Variants in AR observed in about 807,000 individuals in gnomAD.
The protein encoded by AR is dihydrotestosterone receptor.
In AR, 8 loss-of-function variants were observed where a neutral mutation model predicts 53.9. That is an observed-to-expected ratio of 0.15 (90% confidence interval 0.09 to 0.27). The LOEUF (loss-of-function observed/expected upper bound fraction) is 0.27. Ranked by LOEUF, AR falls within the 10% of genes least tolerant of loss-of-function variation. The probability of loss-of-function intolerance (pLI) is 1.00; values close to 1 mark genes in which losing one functional copy is unlikely to be tolerated. For missense variants in AR, 639 were observed against 742.5 expected (o/e 0.86, Z 1.62); for synonymous variants, 359 against 316.4 (o/e 1.13, Z -1.43).
Position 67,724,342 on chromosome X carries a change from A to AAAAT in AR, c.*523_*526dup, listed in dbSNP as rs757699770. ...AAACCTTGCTAGTGTTTTTTCCTCA[A>AAAAT]AAATAAATAAATAAATAAATAAATA... On this transcript the variant is annotated 3_prime_UTR_variant, in exon 8 of 8. Coordinates refer to ENST00000374690, the MANE Select transcript of AR (RefSeq NM_000044.6). The AAAAT allele has an allele frequency of 5.6e-4, 100 of 178,149 alleles. 1 individual carries two copies. Among genetic ancestry groups the AAAAT allele is most frequent in the African/African-American group, 2.1e-3 (70 of 33,691 alleles). The allele number at this position is 178,149 out of a possible 1,213,427, so 14.7% of individuals were successfully genotyped here. A position where few individuals can be genotyped will look rare whatever the true frequency, so the allele number is the denominator to read the frequency against.
At chrX:67,568,432 C>G (rs1303625980) in intron 1 of AR, among the ~76,000 whole-genome samples, 1 of 111,597 alleles carries the variant, frequency 9.0e-6, no homozygotes, top group African/African-American at 3.3e-5. Flanking sequence ...CTGGCACATT[C>G]AGATTGGAAA....
In AR at chrX:67,555,430, A is replaced by G. The variant is rs777889036; in HGVS notation, c.1616+8668A>G. On this transcript the variant is annotated intron_variant, in intron 1 of 7. Transcript: ENST00000374690. ...GTGCACCCCAGTCAAGTTAGTTGCC[A>G]ATTTCTTCTTCAGTTTCTTTGGCTA... Among the ~76,000 whole-genome samples the G allele has an allele frequency of 2.7e-5, 3 of 112,318 alleles. No individual in the cohort carries two copies. In the East Asian group the frequency reaches 8.4e-4, roughly 31 times the overall value.
chrX:67,677,262 C>T (rs2075905717), intron 2 of AR, among the ~76,000 whole-genome samples: 1 of 111,741 alleles, frequency 8.9e-6, no homozygotes, highest in Non-Finnish European at 1.9e-5. Flanking sequence ...CATGATCTTC[C>T]AGGACCTGGG....
In AR at chrX:67,728,146, T is replaced by TGCTG. The variant is rs1192910661; in HGVS notation, c.*4307_*4310dup. ...TGTCCAAAGACAGACTAAAGGACTC[T>TGCTG]GCTGGTGACTGACTTATAAGAGCTT... On this transcript the variant is annotated 3_prime_UTR_variant, in exon 8 of 8. Transcript: ENST00000374690. 2.4e-5 allele frequency: 4 copies of TGCTG among 163,424 alleles called. No homozygotes were observed. Among genetic ancestry groups the TGCTG allele is most frequent in the Non-Finnish European group, 4.6e-5 (4 of 87,570 alleles). 13.5% of individuals were successfully genotyped at this position (163,424 alleles called of 1,213,427 possible).
At chrX:67,717,247 T>C (rs2076117020) in intron 4 of AR, among the ~76,000 whole-genome samples, 1 of 111,908 alleles carries the variant, frequency 8.9e-6, no homozygotes, top group Admixed American at 9.5e-5. Flanking sequence ...CCTTTTTGTC[T>C]CCATCATCAT....
chrX:67,546,718 G>A lies in AR; in HGVS notation c.1572G>A (p.Met524Ile), dbSNP rs1452326001. The A allele has an allele frequency of 8.3e-7, 1 of 1,209,043 alleles. No homozygotes were observed. Among genetic ancestry groups the A allele is most frequent in the Admixed American group, 2.2e-5 (1 of 45,866 alleles). The change falls in exon 1 of 8, where the codon ATG becomes ATA. Residue 524 changes from methionine to isoleucine, a missense_variant. By Grantham distance (10) the Met-to-Ile change is conservative. Transcript: ENST00000374690. ...YPSPTCVKSE[M>I]GPWMDSYSGP... ...GTCCCACTTGTGTCAAAAGCGAAAT[G>A]GGCCCCTGGATGGATAGCTACTCCG... is the stretch of plus-strand genomic sequence containing the variant.
At chrX:67,650,783 G>T (rs2147447024) in intron 2 of AR, among the ~76,000 whole-genome samples, 1 of 111,771 alleles carries the variant, frequency 8.9e-6, no homozygotes, top group South Asian at 3.7e-4. Context: ...AGGGAACAAG[G>T]TTTAGAATTC....
intron 1 of AR, among the ~76,000 whole-genome samples, chrX:67,583,197 A>G (rs972192512): frequency 8.9e-6 from 1 of 112,279 alleles, no homozygotes; most frequent in Non-Finnish European, 1.9e-5. Context: ...GGAGAGTAAG[A>G]TAACTACTTG....
At chrX:67,698,248 T>C (rs2076028945) in intron 3 of AR, among the ~76,000 whole-genome samples, 1 of 112,329 alleles carries the variant, frequency 8.9e-6, no homozygotes, top group South Asian at 3.7e-4. Context: ...TCCTCTGACC[T>C]TCTAATCCTA....
intron 3 of AR, chrX:67,695,951 C>A: frequency 1.3e-6 from 1 of 753,039 alleles, no homozygotes; most frequent in Non-Finnish European, 1.6e-6. Context: ...ATCTCCAGAC[C>A]AACAAGAAGT....
At position 67,546,305 on chromosome X, in the gene AR, A is replaced by T. The variant is rs2147320499; in HGVS notation, c.1159A>T (p.Ile387Phe). ...PPPPPHPHAR[I>F]KLENPLDYGS... ...GCCGCCTCCCCATCCCCACGCTCGC[A>T]TCAAGCTGGAGAACCCGCTGGACTA... The change falls in exon 1 of 8, where the codon ATC (isoleucine) becomes TTC (phenylalanine). Residue 387 changes from isoleucine to phenylalanine, a missense_variant. Physicochemically the swap from Ile to Phe is conservative, Grantham distance 21 (BLOSUM62 0). This residue lies in a region of AR where 423 missense variants were observed against 377.0 expected (regional missense o/e 1.12). Transcript: ENST00000374690. The T allele has an allele frequency of 8.3e-7, 1 of 1,200,268 alleles. No individual in the cohort carries two copies. Among genetic ancestry groups the T allele is most frequent in the Non-Finnish European group, 1.1e-6 (1 of 890,428 alleles).
chrX:67,720,798 G>A (rs1000459810), intron 5 of AR, among the ~76,000 whole-genome samples: 11 of 108,262 alleles, frequency 1.0e-4, no homozygotes, highest in Non-Finnish European at 2.1e-4. Context: ...GGCTCCATCT[G>A]GGAGGTCTTT....
chrX:67,721,815 T>C lies in AR; in HGVS notation c.2319-18T>C, dbSNP rs1188453611. 1 of 1,210,969 alleles carries C rather than the reference T, an allele frequency of 8.3e-7. No individual in the cohort carries two copies. The highest frequency in any genetic ancestry group is 1.1e-6 in the Non-Finnish European group (1 of 894,965). On this transcript the variant is annotated intron_variant, in intron 5 of 7. Coordinates refer to ENST00000374690, the MANE Select transcript of AR (RefSeq NM_000044.6). ...AACTTCCCCTCATTCCTTTTTCCTCTGTGTATCTCCTTCCCAGGTACCGCA... is the reference window on the plus strand; with the variant it reads ...AACTTCCCCTCATTCCTTTTTCCTCCGTGTATCTCCTTCCCAGGTACCGCA...
intron 3 of AR, among the ~76,000 whole-genome samples, 177 bp downstream of exon 3, chrX:67,686,303 T>A (rs2075966433): frequency 9.0e-6 from 1 of 111,358 alleles, no homozygotes; most frequent in African/African-American, 3.3e-5. Flanking sequence ...GTGCCTTTTT[T>A]TTAATCCTTA....
At chrX:67,643,137 C>A in intron 1 of AR, 119 bp from the exon 2 acceptor site, 1 of 908,866 alleles carries the variant, frequency 1.1e-6, no homozygotes, top group Non-Finnish European at 1.6e-6. Context: ...CACTAACTAA[C>A]TTGAGCAATG....
At chrX:67,658,370 GA>G (rs1214968378) in intron 2 of AR, among the ~76,000 whole-genome samples, 4 of 112,304 alleles carry the variant, frequency 3.6e-5, no homozygotes, top group Non-Finnish European at 7.5e-5. Context: ...AGGGATAGTA[GA>G]GAGAAATGTA....
chrX:67,650,617 C>A (rs1292120423), intron 2 of AR, among the ~76,000 whole-genome samples: 5 of 112,530 alleles, frequency 4.4e-5, no homozygotes, highest in Non-Finnish European at 9.4e-5. Context: ...GCCATGTGTG[C>A]AACTTCTGGA....
At chrX:67,578,169 T>C (rs1922140479) in intron 1 of AR, among the ~76,000 whole-genome samples, 1 of 111,660 alleles carries the variant, frequency 9.0e-6, no homozygotes, top group Non-Finnish European at 1.9e-5. Context: ...TTAGGATCTT[T>C]TCTTTTTGTT....
Position 67,723,968 on chromosome X carries a change from A to G in AR, c.*127A>G, listed in dbSNP as rs528866425. The G allele has an allele frequency of 3.3e-6, 3 of 907,337 alleles. No homozygotes were observed. Among genetic ancestry groups the G allele is most frequent in the Admixed American group, 5.0e-5 (2 of 39,756 alleles). 74.8% of individuals were successfully genotyped at this position (907,337 alleles called of 1,213,427 possible). On this transcript the variant is annotated 3_prime_UTR_variant, in exon 8 of 8. Transcript: ENST00000374690. Reference sequence around the variant, plus strand: ...TTCCTCTATTGATGTACAGTCTGTCATGAACATGTTCCTGAATTCTATTTG... The same window carrying G: ...TTCCTCTATTGATGTACAGTCTGTCGTGAACATGTTCCTGAATTCTATTTG...
Sources: allele counts gnomAD v4.1 joint callset (sites outside exome capture counted in the v4.1 genomes callset), GRCh38; gene constraint gnomAD v4.1.1; regional missense constraint gnomAD v4.1.1; transcripts MANE v1.5; gene names NCBI Gene and HGNC (gene_info 2026-07-23, HGNC 2026-07-21).